The following A2M variants were observed in gnomAD, a reference collection of about 807,000 sequenced individuals.
A2M encodes the protein alpha-2-macroglobulin, also known as C3 and PZP-like alpha-2-macroglobulin domain-containing protein 5.
In A2M, 128 loss-of-function variants were observed where a neutral mutation model predicts 183.9. The observed-to-expected ratio is 0.70, with a 90% CI of 0.60 to 0.81. The LOEUF (loss-of-function observed/expected upper bound fraction) is 0.81. Ranked by LOEUF, A2M falls within the 30% of genes least tolerant of loss-of-function variation. The pLI is 0.00. For synonymous variants in A2M, 592 were observed against 670.8 expected, an observed-to-expected ratio of 0.88 and a Z score of 1.81; for missense variants, 1,495 against 1,787.6, an observed-to-expected ratio of 0.84 and a Z score of 2.95.
At chr12:9,091,170 C>T (rs1478342886) in intron 19 of A2M, 31 bp downstream of exon 19, 1 of 1,601,216 alleles carries the variant, frequency 6.2e-7, no homozygotes, top group Non-Finnish European at 8.6e-7. Flanking sequence ...TGATGGCTAC[C>T]TTGTATTTAA....
chr12:9,111,030 A>T (rs1030144269), intron 4 of A2M, among the ~76,000 whole-genome samples: 7 of 152,194 alleles, frequency 4.6e-5, no homozygotes, highest in Admixed American at 6.5e-5. Context: ...GTAATCATTA[A>T]GATGGGTCAT....
chr12:9,107,453 A>G, intron 8 of A2M, 71 bp downstream of exon 8: 2 of 1,567,568 alleles, frequency 1.3e-6, no homozygotes, highest in South Asian at 2.3e-5. Flanking sequence ...GCGTCAGAAA[A>G]ATGCTGCAAC....
At chr12:9,086,426 G>T (rs10842849) in intron 22 of A2M, among the ~76,000 whole-genome samples, 81,149 of 151,958 alleles carry the variant, frequency 0.53, 22,824 homozygotes, top group African/African-American at 0.69. Flanking sequence ...CAACAATACA[G>T]TAAAAGGATC....
At chr12:9,075,425 A>C (rs1211075019) in intron 28 of A2M, among the ~76,000 whole-genome samples, 1 of 152,092 alleles carries the variant, frequency 6.6e-6, no homozygotes, top group African/African-American at 2.4e-5. Flanking sequence ...TCATTGCAGC[A>C]TTTTTTTTAA....
intron 31 of A2M, among the ~76,000 whole-genome samples, chr12:9,070,837 T>G (rs1374268206): frequency 6.6e-6 from 1 of 150,962 alleles, no homozygotes; most frequent in Non-Finnish European, 1.5e-5. Context: ...TTTTTTTTTT[T>G]GATGGAGTTT....
Position 9,098,133 on chromosome 12 carries a change from G to A in A2M, c.1851+474C>T, listed in dbSNP as rs943494168. Among the ~76,000 whole-genome samples the A allele has an allele frequency of 3.9e-5, 6 of 152,158 alleles. No homozygotes were observed. In the South Asian group the frequency reaches 6.2e-4, roughly 16 times the overall value. ...CATTTTAAATATATAATTTTCGAAC[G>A]GCTTCCCCGGTTGCTCAGTTAATCC... is the stretch of plus-strand genomic sequence containing the variant. On this transcript the variant is annotated intron_variant, in intron 15 of 35. Transcript: ENST00000318602.
In A2M at chr12:9,114,454, T is replaced by C. The variant is rs765842503; in HGVS notation, c.87-911A>G. Among the ~76,000 whole-genome samples, 8 of 152,276 alleles carry C rather than the reference T, an allele frequency of 5.3e-5. No individual in the cohort carries two copies. In the South Asian group the frequency reaches 1.2e-3, roughly 24 times the overall value. The stretch of plus-strand genomic sequence containing the variant: ...TTAATACTTAGATTACTTTTACAAT[T>C]TTCTCATGAATAATAAACACTGTAG... On this transcript the variant is annotated intron_variant, in intron 1 of 35. Coordinates refer to ENST00000318602, the MANE Select transcript of A2M (RefSeq NM_000014.6).
intron 35 of A2M, 130 bp downstream of exon 35, chr12:9,068,053 T>C: frequency 8.7e-7 from 1 of 1,149,610 alleles, no homozygotes; most frequent in Non-Finnish European, 1.3e-6. Flanking sequence ...TGTGTTTTTC[T>C]ATAATAATGT....
chr12:9,089,474 C>T (rs1289623124), intron 21 of A2M, among the ~76,000 whole-genome samples: 2 of 152,208 alleles, frequency 1.3e-5, no homozygotes, highest in Admixed American at 1.3e-4. Context: ...TGCATGGTGG[C>T]TCACACCTAT....
In A2M at chr12:9,091,447, T is replaced by C; in HGVS notation, c.2241-18A>G. 9.9e-6 allele frequency: 16 copies of C among 1,613,004 alleles called. No homozygotes were observed. Among genetic ancestry groups the C allele is most frequent in the Non-Finnish European group, 1.4e-5 (16 of 1,179,136 alleles). On this transcript the variant is annotated intron_variant, in intron 18 of 35. Transcript: ENST00000318602. ...CTGCTGAGCTGGAGAGGAGTGTAAG[T>C]GAAGAACAGAAAGTAAGCAGTTAAA...
intron 4 of A2M, 111 bp downstream of exon 4, chr12:9,112,048 A>T: frequency 1.0e-6 from 1 of 984,260 alleles, no homozygotes; most frequent in Non-Finnish European, 1.6e-6. Flanking sequence ...GCCAGAAGTT[A>T]CTGTTAATGA....
chr12:9,079,747 G>A lies in A2M; in HGVS notation c.2923C>T (p.Gln975Ter). 1 of 1,613,576 alleles carries A rather than the reference G, an allele frequency of 6.2e-7. No individual in the cohort carries two copies. The highest frequency in any genetic ancestry group is 1.3e-5 in the African/African-American group (1 of 75,032). The stretch of plus-strand genomic sequence containing the variant: ...TTAGGAGCAAAGAGGACCATATTCT[G>A]CTCTCCACAGCCATAGGGCATCTGG... Reference protein sequence around the residue: ...LLQMPYGCGEQNMVLFAPNIY... With the variant: ...LLQMPYGCGE The change falls in exon 24 of 36, where the codon CAG becomes TAG. Residue 975 changes from glutamine (Q) to a stop codon, truncating the protein, a stop_gained. Coordinates refer to ENST00000318602, the MANE Select transcript of A2M (RefSeq NM_000014.6). LOFTEE classifies it high-confidence loss of function.
intron 4 of A2M, 170 bp downstream of exon 4, chr12:9,111,989 T>G: frequency 1.3e-6 from 1 of 785,626 alleles, no homozygotes; most frequent in Non-Finnish European, 2.3e-6. Context: ...ATTACCTACT[T>G]TCTTTACCTG....
chr12:9,113,504 C>T lies in A2M; in HGVS notation c.126G>A (p.Glu42=). The change falls in exon 2 of 36, where the codon GAG becomes GAA. Residue 42 remains glutamate, a synonymous_variant. Transcript: ENST00000318602. The stretch of plus-strand genomic sequence containing the variant: ...GAAGGACACAGCCCTTCTCAGTGGT[C>T]TCAGTGTGGAGCAGGGAGGGGACCA... ...MVLVPSLLHT[E]TTEKGCVLLS... is the part of the protein sequence containing the mutation. The T allele has an allele frequency of 6.2e-7, 1 of 1,613,928 alleles. No individual in the cohort carries two copies. The highest frequency in any genetic ancestry group is 8.5e-7 in the Non-Finnish European group (1 of 1,179,950).
chr12:9,074,046 C>T (rs1379196632), intron 29 of A2M, among the ~76,000 whole-genome samples: 1 of 147,792 alleles, frequency 6.8e-6, no homozygotes, highest in Non-Finnish European at 1.5e-5. Flanking sequence ...CGAGATTGCA[C>T]CACTGCATTC....
chr12:9,106,164 G>A, intron 10 of A2M, 72 bp downstream of exon 10: 1 of 892,726 alleles, frequency 1.1e-6, no homozygotes, highest in Non-Finnish European at 1.8e-6. Flanking sequence ...CATGGTTTTA[G>A]CACAAACCAT....
At chr12:9,095,776 G>A (rs1949359977) in intron 15 of A2M, 76 bp from the exon 16 acceptor site, 2 of 1,156,362 alleles carry the variant, frequency 1.7e-6, no homozygotes, top group Non-Finnish European at 2.3e-6. Context: ...TTTTTGAGAC[G>A]GAGTCTCGCT....
At chr12:9,080,262 T>C in intron 22 of A2M, 85 bp from the exon 23 acceptor site, 1 of 863,162 alleles carries the variant, frequency 1.2e-6, no homozygotes, top group South Asian at 1.7e-5. Context: ...AAGCTAGGAC[T>C]ATGCCTTATA....
chr12:9,114,745 A>G (rs1258319326), intron 1 of A2M, among the ~76,000 whole-genome samples: 2 of 152,084 alleles, frequency 1.3e-5, no homozygotes, highest in Non-Finnish European at 2.9e-5. Flanking sequence ...ATACATATAT[A>G]TGTAACATAT....
Sources: gnomAD v4.1 joint callset for allele counts (sites outside exome capture counted in the v4.1 genomes callset) on GRCh38, gnomAD v4.1.1 for gene constraint, MANE v1.5 for transcripts, NCBI Gene and HGNC (gene_info 2026-07-23, HGNC 2026-07-21) for gene names.